MARVELD2: variants seen among roughly 807,000 people sequenced by gnomAD.
MARVELD2 encodes MARVEL domain containing 2.
A neutral mutation model predicts 57.6 loss-of-function variants in MARVELD2; 49 were observed. The observed-to-expected ratio is 0.85, with a 90% CI of 0.68 to 1.08. MARVELD2 has a LOEUF of 1.08. MARVELD2 is among the 50% of genes least tolerant of loss of function. The pLI, the probability that MARVELD2 is intolerant of heterozygous loss-of-function variation, is 0.00. For synonymous variants in MARVELD2, 238 were observed against 258.8 expected, an observed-to-expected ratio of 0.92 and a Z score of 0.77; for missense variants, 606 against 701.1, an observed-to-expected ratio of 0.86 and a Z score of 1.53.
At position 69,420,099 on chromosome 5, in the gene MARVELD2, A is replaced by T; in HGVS notation, c.714A>T (p.Gly238=). 1 of 1,614,004 alleles carries T rather than the reference A, an allele frequency of 6.2e-7. No individual in the cohort carries two copies. The highest frequency in any genetic ancestry group is 8.5e-7 in the Non-Finnish European group (1 of 1,179,996). The change falls in exon 2 of 7, where the codon GGA becomes GGT. Residue 238 remains glycine (G), a synonymous_variant. Coordinates refer to ENST00000325631, the MANE Select transcript of MARVELD2 (RefSeq NM_001038603.3). ...SQPYGMGGVG[G]LGSMYGGYYY... ...CGTATGGCATGGGAGGCGTTGGTGG[A>T]TTGGGCAGTATGTATGGGGGCTATT...
intron 5 of MARVELD2, among the ~76,000 whole-genome samples, chr5:69,435,400 T>A (rs1767101421): frequency 1.3e-5 from 2 of 152,052 alleles, no homozygotes; most frequent in Non-Finnish European, 2.9e-5. Context: ...TTTAGTATAG[T>A]TACAGAGTTT....
intron 2 of MARVELD2, 70 bp from the exon 3 acceptor site, chr5:69,424,531 A>T: frequency 7.6e-7 from 1 of 1,323,880 alleles, no homozygotes; most frequent in Non-Finnish European, 1.1e-6. Context: ...TATAAATGCA[A>T]ATGGATGAAA....
At chr5:69,434,453 T>C (rs1767070958) in intron 5 of MARVELD2, among the ~76,000 whole-genome samples, 1 of 146,130 alleles carries the variant, frequency 6.8e-6, no homozygotes, top group South Asian at 2.1e-4. Flanking sequence ...AGTGAGACCA[T>C]GTCTCCAAAA....
At chr5:69,432,042 A>G (rs1766980971) in intron 3 of MARVELD2, among the ~76,000 whole-genome samples, 1 of 151,106 alleles carries the variant, frequency 6.6e-6, no homozygotes, top group South Asian at 2.1e-4. Flanking sequence ...ACAGAGTCTC[A>G]GTCTGTCTCC....
chr5:69,420,063 A>T lies in MARVELD2; in HGVS notation c.678A>T (p.Gly226=), dbSNP rs918417279. Residue 226 remains glycine, a synonymous_variant, in exon 2 of 7, where the codon GGA becomes GGT. Coordinates refer to ENST00000325631, the MANE Select transcript of MARVELD2 (RefSeq NM_001038603.3). ...ACAGTGAGTGGTACAACTTGTTTGG[A>T]TATTCACAACCGTATGGCATGGGAG... ...HKDSEWYNLF[G]YSQPYGMGGV... is the part of the protein sequence containing the mutation. The T allele has an allele frequency of 3.1e-6, 5 of 1,614,150 alleles. No individual in the cohort carries two copies. In the Admixed American group the frequency reaches 6.7e-5, roughly 22 times the overall value.
intron 5 of MARVELD2, among the ~76,000 whole-genome samples, chr5:69,436,979 C>T (rs1767164057): frequency 6.6e-6 from 1 of 151,948 alleles, no homozygotes; most frequent in Non-Finnish European, 1.5e-5. Flanking sequence ...TGGCTCATGC[C>T]TGTAATCCCA....
At chr5:69,425,754 A>G (rs1284331846) in intron 3 of MARVELD2, among the ~76,000 whole-genome samples, 1 of 146,146 alleles carries the variant, frequency 6.8e-6, no homozygotes, top group Non-Finnish European at 1.5e-5. Context: ...TTTTTTTGAG[A>G]TGGAGTCTCT....
intron 2 of MARVELD2, among the ~76,000 whole-genome samples, chr5:69,424,167 G>A (rs1341962654): frequency 6.6e-6 from 1 of 152,116 alleles, no homozygotes; most frequent in Non-Finnish European, 1.5e-5. Context: ...TTAGACTTCA[G>A]TCACCTGATG....
At chr5:69,434,348 C>T (rs565922357) in intron 5 of MARVELD2, among the ~76,000 whole-genome samples, 2 of 151,856 alleles carry the variant, frequency 1.3e-5, no homozygotes, top group East Asian at 1.9e-4. Flanking sequence ...CCTGTAGACC[C>T]AGCAGGAGGC....
chr5:69,431,378 G>C (rs933597734), intron 3 of MARVELD2, among the ~76,000 whole-genome samples: 1 of 152,106 alleles, frequency 6.6e-6, no homozygotes, highest in East Asian at 1.9e-4. Flanking sequence ...CTCCCAAGGT[G>C]CTGAGATTAC....
At position 69,442,773 on chromosome 5, in the gene MARVELD2, T is replaced by A. The variant is rs1767361872; in HGVS notation, c.*1119T>A. On this transcript the variant is annotated 3_prime_UTR_variant, in exon 7 of 7. Coordinates refer to ENST00000325631, the MANE Select transcript of MARVELD2 (RefSeq NM_001038603.3). The stretch of plus-strand genomic sequence containing the variant: ...ATCAGTGTGACTGTACATCTCTCCA[T>A]CTCCCCATAGTCCAGCCTGCCCTGG... 1 of 151,074 alleles carries A rather than the reference T, an allele frequency of 6.6e-6. No homozygotes were observed. The highest frequency in any genetic ancestry group is 2.4e-5 in the African/African-American group (1 of 41,132). The allele number at this position is 151,074 out of a possible 1,614,324, so 9.4% of individuals were successfully genotyped here. A position where few individuals can be genotyped will look rare whatever the true frequency, so the allele number is the denominator to read the frequency against.
rs145027254 is a variant in MARVELD2 at position 69,419,500 on chromosome 5, C to G, written c.115C>G (p.Arg39Gly). 2 of 1,613,942 alleles carry G rather than the reference C, an allele frequency of 1.2e-6. No individual in the cohort carries two copies. The highest frequency in any genetic ancestry group is 2.2e-5 in the South Asian group (2 of 91,068). The change falls in exon 2 of 7, where the codon CGG (arginine) becomes GGG (glycine). Residue 39 changes from arginine to glycine, a missense_variant. Coordinates refer to ENST00000325631, the MANE Select transcript of MARVELD2 (RefSeq NM_001038603.3). ...RTHPTLHDSERAVSADPLPPP... is the reference protein window; with the variant it reads ...RTHPTLHDSEGAVSADPLPPP... ...CCACCCAACTCTTCATGACAGTGAG[C>G]GGGCAGTGAGCGCTGATCCCTTGCC...
At position 69,441,570 on chromosome 5, in the gene MARVELD2, C is replaced by T. The variant is rs1480635765; in HGVS notation, c.1593C>T (p.Tyr531=). 1 of 1,604,718 alleles carries T rather than the reference C, an allele frequency of 6.2e-7. No individual in the cohort carries two copies. The highest frequency in any genetic ancestry group is 1.1e-5 in the South Asian group (1 of 90,740). The stretch of plus-strand genomic sequence containing the variant: ...TGGAAAAAAAAGAACGCTGTGATTA[C>T]CTAAAGAATAAACTTTCTCACATAA... ...TFLEKKERCD[Y]LKNKLSHIKQ... The change falls in exon 7 of 7, where the codon TAC becomes TAT. Residue 531 remains tyrosine, a synonymous_variant. Coordinates refer to ENST00000325631, the MANE Select transcript of MARVELD2 (RefSeq NM_001038603.3).
intron 1 of MARVELD2, among the ~76,000 whole-genome samples, chr5:69,416,822 C>A (rs1766444829): frequency 6.6e-6 from 1 of 152,174 alleles, no homozygotes; most frequent in Non-Finnish European, 1.5e-5. Flanking sequence ...ATGGCCTAGC[C>A]AGTCTTCCTG....
rs200623133 is a variant in MARVELD2 at position 69,419,894 on chromosome 5, G to A, written c.509G>A (p.Arg170Gln). Residue 170 changes from arginine to glutamine, a missense_variant, in exon 2 of 7, where the codon CGA becomes CAA. Physicochemically the swap from Arg to Gln is conservative, Grantham distance 43 (BLOSUM62 1). Transcript: ENST00000325631. ...GSLDRHTQTV[R>Q]TYSEKVEEYN... The stretch of plus-strand genomic sequence containing the variant: ...CTAGACCGACACACACAAACAGTTC[G>A]AACATACAGTGAGAAGGTGGAGGAG... 12 of 1,614,138 alleles carry A rather than the reference G, an allele frequency of 7.4e-6. No homozygotes were observed. Among genetic ancestry groups the A allele is most frequent in the East Asian group, 4.5e-5 (2 of 44,890 alleles).
rs1263398685 is a variant in MARVELD2, at chr5:69,444,055, GAGTT to G, written c.*2404_*2407del. ...TATTACCATTTTGATAGACTGTAAA[GAGTT>G]AGATTCCTGTTGAAGTGTTAAGGAA... On this transcript the variant is annotated 3_prime_UTR_variant, in exon 7 of 7. Transcript: ENST00000325631. 4.2e-5 allele frequency: 5 copies of G among 119,974 alleles called. No individual in the cohort carries two copies. The highest frequency in any genetic ancestry group is 2.0e-4 in the Admixed American group (2 of 10,092). The allele number at this position is 119,974 out of a possible 1,614,324, so 7.4% of individuals were successfully genotyped here. A position where few individuals can be genotyped will look rare whatever the true frequency, so the allele number is the denominator to read the frequency against.
Position 69,420,029 on chromosome 5 carries a change from T to C in MARVELD2, c.644T>C (p.Ile215Thr), listed in dbSNP as rs1018325068. The C allele has an allele frequency of 6.2e-7, 1 of 1,614,032 alleles. No individual in the cohort carries two copies. Among genetic ancestry groups the C allele is most frequent in the Non-Finnish European group, 8.5e-7 (1 of 1,180,036 alleles). Residue 215 changes from isoleucine (I) to threonine (T), a missense_variant, in exon 2 of 7, where the codon ATT becomes ACT. Ile to Thr is a moderately conservative substitution (Grantham distance 89). Transcript: ENST00000325631. ...GTCTTTGCTTGTGTCACAGCTTACA[T>C]TCACAAGGACAGTGAGTGGTACAAC... ...AGVFACVTAY[I>T]HKDSEWYNLF...
At chr5:69,416,215 T>G (rs1339743777) in intron 1 of MARVELD2, among the ~76,000 whole-genome samples, 1 of 152,242 alleles carries the variant, frequency 6.6e-6, no homozygotes, top group African/African-American at 2.4e-5. Flanking sequence ...CTACATTTCT[T>G]AGGAATGTGT....
At chr5:69,434,337 A>C (rs1767067922) in intron 5 of MARVELD2, among the ~76,000 whole-genome samples, 1 of 151,902 alleles carries the variant, frequency 6.6e-6, no homozygotes, top group Non-Finnish European at 1.5e-5. Flanking sequence ...GGTGGCATGC[A>C]CCTGTAGACC....
Sources: gnomAD v4.1 joint callset for allele counts (sites outside exome capture counted in the v4.1 genomes callset) on GRCh38, gnomAD v4.1.1 for gene constraint, MANE v1.5 for transcripts, NCBI Gene and HGNC (gene_info 2026-07-23, HGNC 2026-07-21) for gene names.